LDB2: variants seen among roughly 807,000 people sequenced by gnomAD.
LDB2 encodes LIM domain-binding protein 2.
In LDB2, 12 loss-of-function variants were observed where a neutral mutation model predicts 44.3. The observed-to-expected ratio is 0.27, with a 90% confidence interval of 0.17 to 0.44. The LOEUF is 0.44. Among genes scored for constraint, LDB2 ranks in the 20% least tolerant of loss-of-function variants. LDB2 has a pLI of 1.00. For missense variants in LDB2, 344 were observed against 473.5 expected, an observed-to-expected ratio of 0.73 and a Z score of 2.54; for synonymous variants, 164 against 174.8, an observed-to-expected ratio of 0.94 and a Z score of 0.49.
chr4:16,687,297 T>G (rs57397093), intron 2 of LDB2, among the ~76,000 whole-genome samples: 5,910 of 152,180 alleles, frequency 0.039, 424 homozygotes, highest in African/African-American at 0.14. Flanking sequence ...GAAGCCCTCA[T>G]GAATGGGATT....
intron 5 of LDB2, among the ~76,000 whole-genome samples, chr4:16,562,265 C>T (rs1229547473): frequency 2.6e-5 from 4 of 152,098 alleles, no homozygotes; most frequent in Admixed American, 2.0e-4. Flanking sequence ...AAGAAACTAC[C>T]ATCAGAGTGA....
At chr4:16,613,450 T>C (rs1303795031) in intron 2 of LDB2, among the ~76,000 whole-genome samples, 1 of 152,184 alleles carries the variant, frequency 6.6e-6, no homozygotes, top group Non-Finnish European at 1.5e-5. Context: ...CATGTGCCAA[T>C]GCAAAATTCA....
At chr4:16,634,692 G>C (rs531841037) in intron 2 of LDB2, among the ~76,000 whole-genome samples, 1 of 152,130 alleles carries the variant, frequency 6.6e-6, no homozygotes, top group Non-Finnish European at 1.5e-5. Context: ...CACTGTTGGC[G>C]GGAGTGTAAA....
chr4:16,646,936 CAGCAATACCACTACT>C (rs1263260580), intron 2 of LDB2, among the ~76,000 whole-genome samples: 5 of 152,182 alleles, frequency 3.3e-5, no homozygotes, highest in African/African-American at 1.2e-4. Context: ...CCATATGATT[CAGCAATACCACTACT>C]AGCAATACCA....
At chr4:16,813,847 A>G (rs1780363771) in intron 1 of LDB2, among the ~76,000 whole-genome samples, 4 of 151,158 alleles carry the variant, frequency 2.6e-5, no homozygotes, top group Admixed American at 2.6e-4. Flanking sequence ...GGCTACCCAC[A>G]GGGATACTGA....
intron 2 of LDB2, among the ~76,000 whole-genome samples, chr4:16,652,798 C>T (rs534658724): frequency 2.0e-5 from 3 of 152,280 alleles, no homozygotes; most frequent in African/African-American, 7.2e-5. Flanking sequence ...TTCAGTCATT[C>T]ACGCAGCTCC....
intron 1 of LDB2, among the ~76,000 whole-genome samples, chr4:16,896,294 G>C (rs1038005146): frequency 1.3e-5 from 2 of 152,124 alleles, no homozygotes; most frequent in Admixed American, 1.3e-4. Context: ...GAATTCCTGA[G>C]TTTAGCTCTC....
At chr4:16,510,409 G>A (rs991361172) in intron 6 of LDB2, among the ~76,000 whole-genome samples, 2 of 152,208 alleles carry the variant, frequency 1.3e-5, no homozygotes, top group Non-Finnish European at 2.9e-5. Flanking sequence ...AGGTCATGGA[G>A]TTGAATAAAG....
chr4:16,591,529 A>G (rs2152433434), intron 3 of LDB2, among the ~76,000 whole-genome samples: 2 of 152,336 alleles, frequency 1.3e-5, no homozygotes, highest in Non-Finnish European at 2.9e-5. Flanking sequence ...CTTTAAGGAA[A>G]AATAAATGAC....
chr4:16,553,890 G>A (rs1005686901), intron 5 of LDB2, among the ~76,000 whole-genome samples: 3 of 152,094 alleles, frequency 2.0e-5, no homozygotes, highest in African/African-American at 7.2e-5. Flanking sequence ...CACCCACATA[G>A]CTAGTGACTG....
At chr4:16,774,233 A>G (rs1021853444) in intron 1 of LDB2, among the ~76,000 whole-genome samples, 1 of 150,914 alleles carries the variant, frequency 6.6e-6, no homozygotes, top group Non-Finnish European at 1.5e-5. Context: ...CACTTTCTCA[A>G]CCATCCCTTG....
intron 2 of LDB2, among the ~76,000 whole-genome samples, chr4:16,596,518 C>A (rs1720960310): frequency 6.6e-6 from 1 of 152,074 alleles, no homozygotes. Context: ...TATAAACACC[C>A]AAATAACTGC....
In LDB2 at chr4:16,502,662, G is replaced by A. The variant is rs780411997; in HGVS notation, c.1103C>T (p.Pro368Leu). ...ATCATCTTATTGGGAAGCCTGGGGT[G>A]GGGGGTTTTCTGATTTGGTCTCTTG... is the stretch of plus-strand genomic sequence containing the variant. Reference protein sequence around the residue: ...ATQETKSENPPPQASQ With the variant: ...ATQETKSENPLPQASQ The change falls in exon 8 of 8, where the codon CCA becomes CTA. Residue 368 changes from proline (P) to leucine (L), a missense_variant. Coordinates refer to ENST00000304523, the MANE Select transcript of LDB2 (RefSeq NM_001290.5). 2 of 1,613,838 alleles carry A rather than the reference G, an allele frequency of 1.2e-6. No individual in the cohort carries two copies. Among genetic ancestry groups the A allele is most frequent in the South Asian group, 1.1e-5 (1 of 91,074 alleles).
At chr4:16,513,737 C>T (rs1162781071) in intron 5 of LDB2, among the ~76,000 whole-genome samples, 1 of 152,210 alleles carries the variant, frequency 6.6e-6, no homozygotes, top group African/African-American at 2.4e-5. Flanking sequence ...CAAGTGAAGG[C>T]CTCTGTATAA....
At chr4:16,830,470 A>C (rs1456304716) in intron 1 of LDB2, among the ~76,000 whole-genome samples, 1 of 152,174 alleles carries the variant, frequency 6.6e-6, no homozygotes, top group Non-Finnish European at 1.5e-5. Context: ...TTGTTTATAA[A>C]TTACCCAGTC....
At chr4:16,535,787 C>G (rs371440018) in intron 5 of LDB2, among the ~76,000 whole-genome samples, 1 of 152,306 alleles carries the variant, frequency 6.6e-6, no homozygotes, top group East Asian at 1.9e-4. Context: ...CTCTATGAAG[C>G]AGGTTTTATT....
intron 5 of LDB2, 137 bp from the exon 6 acceptor site, chr4:16,512,241 G>C: frequency 1.2e-6 from 1 of 812,042 alleles, no homozygotes; most frequent in Admixed American, 3.3e-5. Context: ...TTATATAAAT[G>C]TGAGGAAAAA....
chr4:16,503,643 C>A (rs1021616587), intron 7 of LDB2, among the ~76,000 whole-genome samples: 4 of 152,134 alleles, frequency 2.6e-5, no homozygotes, highest in East Asian at 1.9e-4. Flanking sequence ...CACAGGCAAC[C>A]CTGCCACCCA....
chr4:16,736,124 A>T (rs1761864036), intron 2 of LDB2, among the ~76,000 whole-genome samples: 1 of 152,128 alleles, frequency 6.6e-6, no homozygotes, highest in Non-Finnish European at 1.5e-5. Flanking sequence ...CGGCTCTCTC[A>T]TGCTCCTGAA....
Sources: allele counts gnomAD v4.1 joint callset (sites outside exome capture counted in the v4.1 genomes callset), GRCh38; gene constraint gnomAD v4.1.1; transcripts MANE v1.5; gene names NCBI Gene and HGNC (gene_info 2026-07-23, HGNC 2026-07-21).